The following ARL15 variants were observed in gnomAD, a reference collection of about 807,000 sequenced individuals.
The protein encoded by ARL15 is ADP-ribosylation factor-like protein 15.
In ARL15, 19 loss-of-function variants were observed where a neutral mutation model predicts 25.2. The observed-to-expected ratio is 0.75, with a 90% CI of 0.53 to 1.10. The LOEUF (loss-of-function observed/expected upper bound fraction) is 1.10, where lower values mean the gene tolerates loss of function less well. ARL15 is among the 50% of genes least tolerant of loss of function. The pLI is 0.00. For synonymous variants in ARL15, 94 were observed against 86.8 expected, an observed-to-expected ratio of 1.08 and a Z score of -0.46; for missense variants, 220 against 246.0, an observed-to-expected ratio of 0.89 and a Z score of 0.71.
intron 4 of ARL15, among the ~76,000 whole-genome samples, chr5:54,025,610 C>T (rs1749767911): frequency 6.6e-6 from 1 of 152,058 alleles, no homozygotes; most frequent in South Asian, 2.1e-4. Flanking sequence ...CTTTTCTTTC[C>T]TCAGTTTAGT....
At chr5:53,938,564 C>T (rs186736379) in intron 4 of ARL15, among the ~76,000 whole-genome samples, 1 of 152,338 alleles carries the variant, frequency 6.6e-6, no homozygotes, top group East Asian at 1.9e-4. Context: ...CTGTGGCTCA[C>T]GCCTGTAATC....
At chr5:54,269,925 G>C (rs1254393313) in intron 1 of ARL15, among the ~76,000 whole-genome samples, 2 of 152,162 alleles carry the variant, frequency 1.3e-5, no homozygotes, top group African/African-American at 2.4e-5. Flanking sequence ...GATTACAGGC[G>C]TGAGCCACCA....
intron 4 of ARL15, among the ~76,000 whole-genome samples, chr5:54,039,800 T>TTAA (rs1491533710): frequency 3.8e-5 from 2 of 52,546 alleles, no homozygotes; most frequent in Non-Finnish European, 6.6e-5. Context: ...AGACTCTGTC[T>TTAA]AAAAAAAAAA....
chr5:54,102,444 A>G (rs1055612194), intron 4 of ARL15, among the ~76,000 whole-genome samples: 1 of 152,192 alleles, frequency 6.6e-6, no homozygotes, highest in Non-Finnish European at 1.5e-5. Flanking sequence ...TTATCTGGAC[A>G]CAGTGATTTG....
chr5:54,240,847 A>G (rs140372084), intron 1 of ARL15, among the ~76,000 whole-genome samples: 2 of 152,230 alleles, frequency 1.3e-5, no homozygotes, highest in Admixed American at 1.3e-4. Flanking sequence ...GAAAGTGTTC[A>G]TTGAAGGTTT....
chr5:54,128,196 G>A (rs1186637029), intron 3 of ARL15, among the ~76,000 whole-genome samples: 1 of 152,152 alleles, frequency 6.6e-6, no homozygotes, highest in Non-Finnish European at 1.5e-5. Flanking sequence ...ATGACCTTGT[G>A]AAGCCTTCCT....
At chr5:53,981,381 T>A (rs1320282640) in intron 4 of ARL15, among the ~76,000 whole-genome samples, 1 of 152,182 alleles carries the variant, frequency 6.6e-6, no homozygotes, top group Non-Finnish European at 1.5e-5. Flanking sequence ...GAAGGCACCC[T>A]GAGGGTCAGT....
chr5:53,930,088 C>T (rs978573817), intron 4 of ARL15, among the ~76,000 whole-genome samples: 1 of 151,928 alleles, frequency 6.6e-6, no homozygotes, highest in African/African-American at 2.4e-5. Flanking sequence ...AGATGGATTA[C>T]CAGCAATGCT....
chr5:54,109,289 A>C (rs969100646), intron 4 of ARL15, among the ~76,000 whole-genome samples: 1 of 151,990 alleles, frequency 6.6e-6, no homozygotes, highest in African/African-American at 2.4e-5. Flanking sequence ...TTAATAGAAA[A>C]TATTCAACAA....
chr5:54,043,705 T>C (rs1750413868), intron 4 of ARL15, among the ~76,000 whole-genome samples: 1 of 152,192 alleles, frequency 6.6e-6, no homozygotes, highest in Non-Finnish European at 1.5e-5. Context: ...TATCATTTCA[T>C]TTAATACAAC....
At chr5:53,935,706 C>A (rs1289860172) in intron 4 of ARL15, among the ~76,000 whole-genome samples, 3 of 152,174 alleles carry the variant, frequency 2.0e-5, no homozygotes, top group African/African-American at 7.2e-5. Flanking sequence ...CCAAAGTAAA[C>A]AACAACAACC....
intron 3 of ARL15, among the ~76,000 whole-genome samples, chr5:54,153,632 A>T (rs1754134711): frequency 1.3e-5 from 2 of 152,328 alleles, no homozygotes; most frequent in South Asian, 4.1e-4. Context: ...AAAAGTGAAT[A>T]TGAAATTGAC....
At chr5:54,096,672 T>A (rs775275807) in intron 4 of ARL15, among the ~76,000 whole-genome samples, 2 of 152,166 alleles carry the variant, frequency 1.3e-5, no homozygotes, top group Non-Finnish European at 2.9e-5. Flanking sequence ...TGGCCTCCCA[T>A]GTGCTGGGAT....
chr5:54,224,813 A>T (rs1756473699), intron 1 of ARL15, among the ~76,000 whole-genome samples: 1 of 152,236 alleles, frequency 6.6e-6, no homozygotes, highest in Admixed American at 6.5e-5. Flanking sequence ...TAAAAAAAAT[A>T]AAGCAAAAAG....
chr5:54,207,585 T>TA (rs1213362012), intron 1 of ARL15, among the ~76,000 whole-genome samples: 8 of 152,276 alleles, frequency 5.3e-5, no homozygotes, highest in Admixed American at 3.9e-4. Context: ...GACATTTTTT[T>TA]AAAAAAGATA....
intron 4 of ARL15, among the ~76,000 whole-genome samples, chr5:53,936,052 A>G (rs1235647287): frequency 6.6e-6 from 1 of 151,906 alleles, no homozygotes; most frequent in Non-Finnish European, 1.5e-5. Context: ...CCGGCCTCTG[A>G]GGTTTATTTG....
chr5:53,981,102 C>T (rs1748103346), intron 4 of ARL15, among the ~76,000 whole-genome samples: 2 of 152,046 alleles, frequency 1.3e-5, no homozygotes, highest in African/African-American at 2.4e-5. Flanking sequence ...TACTTCAGAA[C>T]GAACCCCGGT....
At chr5:53,943,566 G>A (rs1746617482) in intron 4 of ARL15, among the ~76,000 whole-genome samples, 2 of 152,188 alleles carry the variant, frequency 1.3e-5, no homozygotes, top group African/African-American at 4.8e-5. Flanking sequence ...TTCTGATGCA[G>A]GTATGGAGTA....
At position 54,129,724 on chromosome 5, in the gene ARL15, C is replaced by G. The variant is rs149186289; in HGVS notation, c.254-16314G>C. Among the ~76,000 whole-genome samples the G allele has an allele frequency of 5.0e-3, 756 of 152,216 alleles. 6 individuals are homozygous for G. The highest frequency in any genetic ancestry group is 0.017 in the African/African-American group (709 of 41,520). On this transcript the variant is annotated intron_variant, in intron 3 of 4. Transcript: ENST00000504924. ...AATGTAACAAGGAAAGTCTGATGAA[C>G]GCCATTACCAACAATCCTGTCTAAT...
Sources: allele counts gnomAD v4.1 joint callset (sites outside exome capture counted in the v4.1 genomes callset), GRCh38; gene constraint gnomAD v4.1.1; transcripts MANE v1.5; gene names NCBI Gene and HGNC (gene_info 2026-07-23, HGNC 2026-07-21).